The following PLCL1 variants were observed in gnomAD, a reference collection of about 807,000 sequenced individuals.
The protein encoded by PLCL1 is inactive phospholipase C-like protein 1.
Under a neutral mutation model 84.4 loss-of-function variants are expected in PLCL1, and 41 were observed. The ratio of observed to expected loss-of-function variants is 0.49; its 90% CI spans 0.38 to 0.63. PLCL1 has a LOEUF of 0.63. Among genes scored for constraint, PLCL1 ranks in the 30% least tolerant of loss-of-function variants. The pLI is 0.00. For synonymous variants in PLCL1, 490 were observed against 488.3 expected (o/e 1.00, Z -0.05); for missense variants, 1,206 against 1,367.8 (o/e 0.88, Z 1.87).
intron 1 of PLCL1, among the ~76,000 whole-genome samples, chr2:197,941,295 ATT>A (rs34230346): frequency 4.2e-5 from 6 of 143,726 alleles, no homozygotes; most frequent in Non-Finnish European, 4.6e-5. Flanking sequence ...GGGGAATACT[ATT>A]TTTTTTTTTT....
At chr2:197,891,558 A>C in intron 1 of PLCL1, among the ~76,000 whole-genome samples, 1 of 150,630 alleles carries the variant, frequency 6.6e-6, no homozygotes, top group Non-Finnish European at 1.5e-5. Context: ...CTTGACTGTC[A>C]TACTGAGGGC....
At chr2:198,091,537 G>A (rs866315382) in intron 3 of PLCL1, among the ~76,000 whole-genome samples, 24 of 151,304 alleles carry the variant, frequency 1.6e-4, no homozygotes, top group African/African-American at 4.4e-4. Context: ...AAAATTAGCC[G>A]GGCATGGTGG....
intron 1 of PLCL1, among the ~76,000 whole-genome samples, chr2:197,875,122 C>CTAAAAATTTAGTTTTG (rs1432883127): frequency 6.6e-6 from 1 of 152,042 alleles, no homozygotes; most frequent in Non-Finnish European, 1.5e-5. Context: ...CCCATCTCCA[C>CTAAAAATTTAGTTTTG]TAAAAATACA....
In PLCL1 at chr2:198,002,066, G is replaced by T. The variant is rs536972147; in HGVS notation, c.241-81692G>T. ...AATGTAATAATAATAAAAATAAAGG[G>T]CACAATAAATGTAATGTGCTTAAAT... is the stretch of plus-strand genomic sequence containing the variant. On this transcript the variant is annotated intron_variant, in intron 1 of 5. Transcript: ENST00000428675. The T allele has an allele frequency of 1.1e-4, 38 of 359,416 alleles. 1 individual carries two copies. The highest frequency in any genetic ancestry group is 7.4e-4 in the African/African-American group (35 of 47,506). The allele number at this position is 359,416 out of a possible 1,614,324, so 22.3% of individuals were successfully genotyped here.
intron 5 of PLCL1, among the ~76,000 whole-genome samples, chr2:198,116,730 A>T (rs1341440601): frequency 6.6e-6 from 1 of 151,908 alleles, no homozygotes; most frequent in African/African-American, 2.4e-5. Context: ...TGGAAAGGTT[A>T]ACAAGTCGTT....
intron 5 of PLCL1, among the ~76,000 whole-genome samples, chr2:198,137,407 C>T (rs1428901023): frequency 6.6e-6 from 1 of 152,196 alleles, no homozygotes; most frequent in Non-Finnish European, 1.5e-5. Context: ...TTGTTTTCCA[C>T]TTTCAGTGTT....
intron 1 of PLCL1, among the ~76,000 whole-genome samples, chr2:197,809,032 TCA>T (rs1343399177): frequency 6.6e-6 from 1 of 152,158 alleles, no homozygotes; most frequent in Non-Finnish European, 1.5e-5. Context: ...ATGGCGAGTC[TCA>T]CTCTCTCATG....
In PLCL1 at chr2:197,947,608, G is replaced by C. The variant is rs192182028; in HGVS notation, c.241-136150G>C. ...TGTGCAAAGTAGAGAAGCTGTTTGT[G>C]GTTTGAAGAAAGCAAAAAGGCTCTG... is the stretch of plus-strand genomic sequence containing the variant. On this transcript the variant is annotated intron_variant, in intron 1 of 5. Coordinates refer to ENST00000428675, the MANE Select transcript of PLCL1 (RefSeq NM_006226.4). 1.8e-4 allele frequency among the ~76,000 whole-genome samples: 27 copies of C among 152,278 alleles called. 1 individual carries two copies. Among genetic ancestry groups the C allele is most frequent in the Admixed American group, 2.6e-4 (4 of 15,296 alleles).
chr2:197,980,765 T>C (rs185491622), intron 1 of PLCL1, among the ~76,000 whole-genome samples: 2 of 152,276 alleles, frequency 1.3e-5, no homozygotes, highest in Admixed American at 1.3e-4. Flanking sequence ...ACTATGGAGT[T>C]CTTATTATGT....
intron 1 of PLCL1, among the ~76,000 whole-genome samples, chr2:197,924,240 G>A (rs1165810322): frequency 2.6e-5 from 4 of 151,828 alleles, no homozygotes; most frequent in East Asian, 1.9e-4. Flanking sequence ...TACCCTAGCC[G>A]TAGGCCTGAT....
chr2:197,957,734 G>C (rs1474373783), intron 1 of PLCL1, among the ~76,000 whole-genome samples: 1 of 152,000 alleles, frequency 6.6e-6, no homozygotes, highest in Non-Finnish European at 1.5e-5. Context: ...CTAAATGGAG[G>C]AATGTTACTT....
At chr2:198,007,486 A>G (rs1396155270) in intron 1 of PLCL1, among the ~76,000 whole-genome samples, 2 of 152,338 alleles carry the variant, frequency 1.3e-5, no homozygotes, top group South Asian at 2.1e-4. Flanking sequence ...AATTCAGTAC[A>G]TATATTAAAA....
At position 197,867,173 on chromosome 2, in the gene PLCL1, A is replaced by C. The variant is rs186927283; in HGVS notation, c.240+61834A>C. On this transcript the variant is annotated intron_variant, in intron 1 of 5. Transcript: ENST00000428675. ...TGCTGTAGAGCTGGAGGTTCAGGGA[A>C]GGGCATTTCTGCAATGCCTTCTTTT... 2.5e-4 allele frequency among the ~76,000 whole-genome samples: 38 copies of C among 152,276 alleles called. No individual in the cohort carries two copies. In the East Asian group the frequency reaches 5.4e-3, roughly 22 times the overall value.
chr2:198,064,319 T>A (rs1388030486), intron 1 of PLCL1, among the ~76,000 whole-genome samples: 1 of 152,184 alleles, frequency 6.6e-6, no homozygotes, highest in Non-Finnish European at 1.5e-5. Flanking sequence ...ATTTACTGAC[T>A]AGGTTACTAT....
chr2:198,003,860 G>C (rs543540720), intron 1 of PLCL1, among the ~76,000 whole-genome samples: 4 of 152,094 alleles, frequency 2.6e-5, no homozygotes, highest in Non-Finnish European at 4.4e-5. Flanking sequence ...GATGGATTGA[G>C]GTTATTCCTC....
In PLCL1 at chr2:197,849,278, G is replaced by A. The variant is rs1029559332; in HGVS notation, c.240+43939G>A. 5.3e-5 allele frequency among the ~76,000 whole-genome samples: 8 copies of A among 152,304 alleles called. No individual in the cohort carries two copies. The East Asian group carries it at 1.2e-3, about 22-fold the overall frequency. ...ATAGAAAAGAAAATATTAGTGAGGCGGCTCATGCCTGTAATCTCAGCACTT... is the reference window on the plus strand; with the variant it reads ...ATAGAAAAGAAAATATTAGTGAGGCAGCTCATGCCTGTAATCTCAGCACTT... On this transcript the variant is annotated intron_variant, in intron 1 of 5. Transcript: ENST00000428675.
At position 198,085,337 on chromosome 2, in the gene PLCL1, A is replaced by T; in HGVS notation, c.1820A>T (p.Gln607Leu). The T allele has an allele frequency of 6.2e-7, 1 of 1,613,498 alleles. No homozygotes were observed. The highest frequency in any genetic ancestry group is 8.5e-7 in the Non-Finnish European group (1 of 1,179,640). Residue 607 changes from glutamine (Q) to leucine (L), a missense_variant, in exon 2 of 6, where the codon CAA becomes CTA. Coordinates refer to ENST00000428675, the MANE Select transcript of PLCL1 (RefSeq NM_006226.4). This position sits in a 1 kb window ranked among gnomAD's most constrained non-coding sequence, Gnocchi z 5.3. The stretch of plus-strand genomic sequence containing the variant: ...GATTTTGAACTATCTATGAAAAGCC[A>T]AAACTATTGGGAAATGTGTTCATTT... ...YRDFELSMKS[Q>L]NYWEMCSFSE...
At chr2:198,136,370 G>T (rs926209406) in intron 5 of PLCL1, among the ~76,000 whole-genome samples, 1 of 152,064 alleles carries the variant, frequency 6.6e-6, no homozygotes, top group Non-Finnish European at 1.5e-5. Flanking sequence ...CAGTGATCTT[G>T]CCCAAGGTCA....
intron 5 of PLCL1, 57 bp downstream of exon 5, chr2:198,103,993 C>T (rs1197644092): frequency 1.3e-6 from 1 of 795,136 alleles, no homozygotes; most frequent in East Asian, 2.8e-5. Context: ...CTCATCTCTC[C>T]AATGTGTAGA....
Sources: gnomAD v4.1 joint callset for allele counts (sites outside exome capture counted in the v4.1 genomes callset) on GRCh38, gnomAD v4.1.1 for gene constraint, Gnocchi (gnomAD v3.1) non-coding constraint, MANE v1.5 for transcripts, NCBI Gene and HGNC (gene_info 2026-07-23, HGNC 2026-07-21) for gene names.